NDRG2: variants seen among roughly 807,000 people sequenced by gnomAD.
The protein encoded by NDRG2 is protein NDRG2.
Under a neutral mutation model 58.2 loss-of-function variants are expected in NDRG2, and 34 were observed. That is an observed-to-expected ratio of 0.58 (90% CI 0.44 to 0.78). NDRG2 has a LOEUF of 0.78. NDRG2 is among the 30% of genes least tolerant of loss of function. The pLI, the probability that NDRG2 is intolerant of heterozygous loss-of-function variation, is 0.00. For synonymous variants in NDRG2, 187 were observed against 175.9 expected, an observed-to-expected ratio of 1.06 and a Z score of -0.50; for missense variants, 434 against 471.2, an observed-to-expected ratio of 0.92 and a Z score of 0.73.
At chr14:21,030,706 G>A (rs573166585), upstream of NDRG2, 4 of 1,614,038 alleles carry the variant, frequency 2.5e-6, no homozygotes, top group African/African-American at 1.3e-5. Context: ...ATCATGGATG[G>A]CAAGACAGTC....
At chr14:21,023,979 G>A in intron 1 of NDRG2, 51 bp downstream of exon 1, 1 of 986,286 alleles carries the variant, frequency 1.0e-6, no homozygotes, top group Non-Finnish European at 1.2e-6. Context: ...AGAGCACCTG[G>A]ACAGACCTGC....
intron 1 of NDRG2, chr14:21,058,054 G>A (rs754094447): frequency 4.3e-6 from 7 of 1,614,126 alleles, no homozygotes; most frequent in Non-Finnish European, 5.9e-6. Context: ...ACTCAGCCAT[G>A]AGCATCATCA....
chr14:21,047,373 G>A (rs1885233909), intron 1 of NDRG2, among the ~76,000 whole-genome samples: 1 of 152,082 alleles, frequency 6.6e-6, no homozygotes, highest in Admixed American at 6.6e-5. Context: ...AAATGGCCTG[G>A]CCTATTCTTA....
At chr14:21,029,529 G>A (rs949967118), upstream of NDRG2, among the ~76,000 whole-genome samples, 2 of 152,210 alleles carry the variant, frequency 1.3e-5, no homozygotes, top group African/African-American at 4.8e-5. Flanking sequence ...TCCTGGGACT[G>A]GAGGTTGCAG....
chr14:21,021,994 A>T, intron 5 of NDRG2, 68 bp downstream of exon 5: 2 of 1,612,476 alleles, frequency 1.2e-6, no homozygotes, highest in East Asian at 4.5e-5. Context: ...CCTCCTCCCC[A>T]GTCGAACCTT....
At chr14:21,054,386 A>G (rs1354634775) in intron 1 of NDRG2, among the ~76,000 whole-genome samples, 1 of 152,188 alleles carries the variant, frequency 6.6e-6, no homozygotes, top group Non-Finnish European at 1.5e-5. Context: ...TGTCAAGAAC[A>G]TAGTAGACAT....
At chr14:21,069,005 G>A (rs1886456435) in intron 1 of NDRG2, among the ~76,000 whole-genome samples, 2 of 152,236 alleles carry the variant, frequency 1.3e-5, no homozygotes, top group African/African-American at 4.8e-5. Flanking sequence ...GAGGCCAGAC[G>A]TTTTCTCATC....
intron 1 of NDRG2, among the ~76,000 whole-genome samples, chr14:21,047,725 G>C (rs1425419894): frequency 6.6e-6 from 1 of 152,198 alleles, no homozygotes; most frequent in Non-Finnish European, 1.5e-5. Context: ...TCAACATGGA[G>C]TAAAGGAGCG....
chr14:21,020,084 A>G (rs543756853), intron 8 of NDRG2, 108 bp from the exon 9 acceptor site: 126 of 931,688 alleles, frequency 1.4e-4, no homozygotes, highest in South Asian at 2.9e-4. Context: ...TCACGAGGTC[A>G]GGAGTTCAAG....
intron 1 of NDRG2, chr14:21,034,427 C>T: frequency 1.5e-6 from 1 of 671,242 alleles, no homozygotes; most frequent in Non-Finnish European, 2.5e-6. Flanking sequence ...TTCTCATGAC[C>T]CAGAAAGAGG....
rs1884705730 is a variant in NDRG2, at chr14:21,037,562, TC to T, written c.25-14242del. 2.0e-5 allele frequency among the ~76,000 whole-genome samples: 3 copies of T among 152,208 alleles called. No individual in the cohort carries two copies. The South Asian group carries it at 6.2e-4, about 31-fold the overall frequency. On this transcript the variant is annotated intron_variant, in intron 1 of 14. Coordinates refer to the NDRG2 transcript ENST00000403829. ...CTGTGGCCAGGGATATTGCTGAACA[TC>T]CCACATTTCACAGGACAGCTCCCAT...
At chr14:21,031,225 A>C (rs1594476108) in intron 1 of NDRG2, 1 of 1,562,286 alleles carries the variant, frequency 6.4e-7, no homozygotes, top group Non-Finnish European at 8.7e-7. Context: ...GTTCCAGTCT[A>C]CCCTCCCTAA....
chr14:21,024,321 AGAG>A lies in NDRG2; in HGVS notation c.-301_-299del. ...GGCATCAGTTCAGGCTGCGCGGAGG[AGAG>A]AAGGAAGTGCTGATGTGGAGGTAAG... On this transcript the variant is annotated 5_prime_UTR_variant, in exon 1 of 16. Coordinates refer to ENST00000556147, the MANE Select transcript of NDRG2 (RefSeq NM_001320329.2). 1.0e-6 allele frequency: 1 copy of A among 985,020 alleles called. No individual in the cohort carries two copies. Among genetic ancestry groups the A allele is most frequent in the Non-Finnish European group, 1.2e-6 (1 of 829,628 alleles). The allele number at this position is 985,020 out of a possible 1,614,324, so 61.0% of individuals were successfully genotyped here. A position where few individuals can be genotyped will look rare whatever the true frequency, so the allele number is the denominator to read the frequency against.
At chr14:21,057,173 G>A (rs556118472) in intron 1 of NDRG2, among the ~76,000 whole-genome samples, 5 of 152,120 alleles carry the variant, frequency 3.3e-5, no homozygotes, top group African/African-American at 9.7e-5. Flanking sequence ...GGTGGCTCAC[G>A]CCTGTAATCC....
At chr14:21,061,731 A>G (rs1212649667) in intron 1 of NDRG2, among the ~76,000 whole-genome samples, 1 of 152,254 alleles carries the variant, frequency 6.6e-6, no homozygotes, top group Non-Finnish European at 1.5e-5. Flanking sequence ...ATCAACACAT[A>G]GCGTTAACAT....
intron 1 of NDRG2, among the ~76,000 whole-genome samples, chr14:21,041,338 C>T (rs1330542114): frequency 6.6e-6 from 1 of 152,176 alleles, no homozygotes; most frequent in Non-Finnish European, 1.5e-5. Flanking sequence ...AGTATCTTGA[C>T]ACTTAGTAGA....
At chr14:21,035,856 C>T (rs1243108591) in intron 1 of NDRG2, 1 of 456,174 alleles carries the variant, frequency 2.2e-6, no homozygotes, top group South Asian at 1.5e-5. Flanking sequence ...CTCCCCAATC[C>T]CAGCTACGGG....
upstream of NDRG2, chr14:21,025,752 T>G (rs1278520029): frequency 2.4e-4 from 38 of 159,306 alleles, no homozygotes; most frequent in Admixed American, 3.6e-3. The surrounding 1 kb of genome is among the most constrained non-coding windows in gnomAD (Gnocchi z 5.1). Context: ...GGCGGGGAGG[T>G]GGGGGCGGGG....
chr14:21,061,895 T>C (rs1169394415), intron 1 of NDRG2, among the ~76,000 whole-genome samples: 1 of 152,240 alleles, frequency 6.6e-6, no homozygotes, highest in Non-Finnish European at 1.5e-5. Flanking sequence ...TATAAAGGTT[T>C]TTAAGTATTC....
Sources: allele counts gnomAD v4.1 joint callset (sites outside exome capture counted in the v4.1 genomes callset), GRCh38; gene constraint gnomAD v4.1.1; non-coding constraint Gnocchi (gnomAD v3.1); transcripts MANE v1.5; gene names NCBI Gene and HGNC (gene_info 2026-07-23, HGNC 2026-07-21).